NMT2: variants seen among roughly 807,000 people sequenced by gnomAD.
The protein encoded by NMT2 is N-myristoyltransferase 2, also known as glycylpeptide N-tetradecanoyltransferase 2.
Under a neutral mutation model 65.4 loss-of-function variants are expected in NMT2, and 35 were observed. The ratio of observed to expected loss-of-function variants is 0.54; its 90% CI spans 0.41 to 0.71. NMT2 has a LOEUF of 0.71. Among genes scored for constraint, NMT2 ranks in the 30% least tolerant of loss-of-function variants. NMT2 has a pLI of 0.00. For missense variants in NMT2, 489 were observed against 611.3 expected (o/e 0.80, Z 2.11); for synonymous variants, 226 against 231.8 (o/e 0.98, Z 0.23).
At chr10:15,138,003 TC>T (rs1398850899) in intron 2 of NMT2, among the ~76,000 whole-genome samples, 27 of 137,428 alleles carry the variant, frequency 2.0e-4, no homozygotes, top group African/African-American at 7.2e-4. Context: ...TTCTTCTTCT[TC>T]TTTTTTTTTT....
At chr10:15,142,991 G>T (rs1054524599) in intron 1 of NMT2, among the ~76,000 whole-genome samples, 10 of 152,150 alleles carry the variant, frequency 6.6e-5, no homozygotes, top group African/African-American at 2.4e-4. Context: ...TGTGATTTAT[G>T]TATGCATTTG....
chr10:15,155,765 T>G (rs1473788354), intron 1 of NMT2, among the ~76,000 whole-genome samples: 1 of 152,108 alleles, frequency 6.6e-6, no homozygotes, highest in Non-Finnish European at 1.5e-5. Context: ...GAAAGCACTT[T>G]ATGGCTTCTC....
intron 1 of NMT2, among the ~76,000 whole-genome samples, chr10:15,151,563 T>A (rs1832803251): frequency 6.6e-6 from 1 of 152,244 alleles, no homozygotes; most frequent in Admixed American, 6.5e-5. Flanking sequence ...ATATTTTAAA[T>A]GCTTTAAAAA....
chr10:15,120,718 T>C (rs1175864642), intron 8 of NMT2, among the ~76,000 whole-genome samples: 1 of 152,190 alleles, frequency 6.6e-6, no homozygotes, highest in African/African-American at 2.4e-5. Context: ...ACAAAAATGA[T>C]ATAGGAGTGA....
At chr10:15,146,081 G>A (rs187779616) in intron 1 of NMT2, among the ~76,000 whole-genome samples, 4 of 152,152 alleles carry the variant, frequency 2.6e-5, no homozygotes, top group South Asian at 2.1e-4. Flanking sequence ...AAGATTCCTC[G>A]GTCTTCAAGA....
intron 6 of NMT2, 83 bp from the exon 7 acceptor site, chr10:15,130,395 AC>A: frequency 9.7e-7 from 1 of 1,029,046 alleles, no homozygotes; most frequent in South Asian, 2.1e-5. Context: ...ATAAGATGAT[AC>A]CCAGGAAATA....
At chr10:15,147,789 G>A (rs1016689296) in intron 1 of NMT2, among the ~76,000 whole-genome samples, 3 of 152,184 alleles carry the variant, frequency 2.0e-5, no homozygotes, top group African/African-American at 7.2e-5. Context: ...TCTGTCAAAT[G>A]AGTAAGTGAA....
At position 15,112,773 on chromosome 10, in the gene NMT2, G is replaced by A. The variant is rs368672845; in HGVS notation, c.1338+23C>T. ...ACAGACATTTGGAGAACCAAACGGC[G>A]TGAACAGGAAGGAGTGGCTTACCGA... On this transcript the variant is annotated intron_variant, in intron 10 of 11. Transcript: ENST00000378165. 27 of 1,589,834 alleles carry A rather than the reference G, an allele frequency of 1.7e-5. No individual in the cohort carries two copies. The African/African-American group carries it at 2.3e-4, about 14-fold the overall frequency.
chr10:15,124,722 C>A (rs45500592), intron 8 of NMT2, among the ~76,000 whole-genome samples: 2,906 of 152,228 alleles, frequency 0.019, 41 homozygotes, highest in African/African-American at 0.023. Flanking sequence ...AAGGGGCATC[C>A]GGTGTATGCA....
At chr10:15,165,960 T>C (rs767483732) in intron 1 of NMT2, among the ~76,000 whole-genome samples, 7 of 152,080 alleles carry the variant, frequency 4.6e-5, no homozygotes, top group Admixed American at 1.3e-4. Context: ...ACTTACGCCA[T>C]TGCTTTTAAT....
intron 1 of NMT2, among the ~76,000 whole-genome samples, chr10:15,144,564 T>C (rs1241279196): frequency 6.6e-6 from 1 of 152,140 alleles, no homozygotes; most frequent in Admixed American, 6.5e-5. Flanking sequence ...ACTGCGTCTC[T>C]ACTAAAAATA....
chr10:15,120,663 T>A (rs1316567176), intron 8 of NMT2, among the ~76,000 whole-genome samples: 1 of 152,196 alleles, frequency 6.6e-6, no homozygotes, highest in East Asian at 1.9e-4. Context: ...CTTGTTTTAT[T>A]ATGCAATAGC....
At chr10:15,120,326 C>T (rs967554756) in intron 8 of NMT2, among the ~76,000 whole-genome samples, 2 of 152,120 alleles carry the variant, frequency 1.3e-5, no homozygotes, top group Non-Finnish European at 2.9e-5. Context: ...GGCGTGGTGA[C>T]ATGCACCTGT....
At chr10:15,118,042 G>A (rs1352813409) in intron 9 of NMT2, among the ~76,000 whole-genome samples, 2 of 152,126 alleles carry the variant, frequency 1.3e-5, no homozygotes, top group Non-Finnish European at 2.9e-5. Flanking sequence ...AAAAGGCAAA[G>A]GAAATAGGTT....
intron 1 of NMT2, among the ~76,000 whole-genome samples, chr10:15,161,603 G>A (rs1166256417): frequency 2.6e-5 from 4 of 151,942 alleles, no homozygotes; most frequent in Admixed American, 1.3e-4. Flanking sequence ...CAGGTGATCC[G>A]CCCACCCCGG....
chr10:15,138,586 A>T, intron 2 of NMT2: 1 of 406,142 alleles, frequency 2.5e-6, no homozygotes, highest in South Asian at 1.8e-5. Flanking sequence ...CAGCAACTAT[A>T]CTCTTTACCC....
chr10:15,108,162 T>C lies in NMT2; in HGVS notation c.*1033A>G, dbSNP rs777409073. 1.1e-5 allele frequency: 11 copies of C among 985,014 alleles called. No individual in the cohort carries two copies. The highest frequency in any genetic ancestry group is 1.3e-5 in the Non-Finnish European group (11 of 829,896). The allele number at this position is 985,014 out of a possible 1,614,324, so 61.0% of individuals were successfully genotyped here. On this transcript the variant is annotated 3_prime_UTR_variant, in exon 12 of 12. Coordinates refer to ENST00000378165, the MANE Select transcript of NMT2 (RefSeq NM_004808.3). ...AACTTTGCACAACAGCAGAAAAGTC[T>C]AGTTAGTCGCGGGTACAGGCTCTTT...
Position 15,156,577 on chromosome 10 carries a change from G to C in NMT2, c.110+11926C>G, listed in dbSNP as rs115785552. Among the ~76,000 whole-genome samples, 1,191 of 152,250 alleles carry C rather than the reference G, an allele frequency of 7.8e-3. 17 individuals are homozygous for C. The highest frequency in any genetic ancestry group is 0.027 in the African/African-American group (1,126 of 41,522). The stretch of plus-strand genomic sequence containing the variant: ...TACCAAGGCATGGCGTTTTTGCTTA[G>C]TGATTCATTCGAATGTTCTACATTA... On this transcript the variant is annotated intron_variant, in intron 1 of 11. Transcript: ENST00000378165.
At chr10:15,155,686 A>G (rs1327065564) in intron 1 of NMT2, among the ~76,000 whole-genome samples, 1 of 151,966 alleles carries the variant, frequency 6.6e-6, no homozygotes, top group Admixed American at 6.6e-5. Context: ...CCTGGCCCCA[A>G]GGATTCCTTC....
Sources: allele counts gnomAD v4.1 joint callset (sites outside exome capture counted in the v4.1 genomes callset), GRCh38; gene constraint gnomAD v4.1.1; transcripts MANE v1.5; gene names NCBI Gene and HGNC (gene_info 2026-07-23, HGNC 2026-07-21).